The following STK32C variants were observed in gnomAD, a reference collection of about 807,000 sequenced individuals.
STK32C encodes serine/threonine kinase 32C.
A neutral mutation model predicts 56.5 loss-of-function variants in STK32C; 31 were observed. That is an observed-to-expected ratio of 0.55 (90% CI 0.41 to 0.74). STK32C has a LOEUF of 0.74. Ranked by LOEUF, STK32C falls within the 30% of genes least tolerant of loss-of-function variation. The pLI is 0.00. For synonymous variants in STK32C, 309 were observed against 289.4 expected (o/e 1.07, Z -0.69); for missense variants, 544 against 676.9 (o/e 0.80, Z 2.18).
At chr10:132,286,280 A>G (rs1444064013) in intron 1 of STK32C, among the ~76,000 whole-genome samples, 2 of 152,260 alleles carry the variant, frequency 1.3e-5, no homozygotes, top group African/African-American at 2.4e-5. Flanking sequence ...AAAGAAATTG[A>G]GCTCATTATT....
At chr10:132,242,996 C>A (rs550882770) in intron 2 of STK32C, among the ~76,000 whole-genome samples, 1 of 152,348 alleles carries the variant, frequency 6.6e-6, no homozygotes, top group South Asian at 2.1e-4. Context: ...ACCTTACAGG[C>A]CAGAGGGGCC....
chr10:132,245,807 AT>A, intron 2 of STK32C, 92 bp downstream of exon 2: 1 of 1,275,524 alleles, frequency 7.8e-7, no homozygotes, highest in Non-Finnish European at 1.1e-6. Context: ...CCCAAGGAGG[AT>A]GGGAGTAGGT....
intron 1 of STK32C, among the ~76,000 whole-genome samples, chr10:132,285,371 C>A (rs550262248): frequency 2.0e-5 from 3 of 152,214 alleles, no homozygotes; most frequent in Non-Finnish European, 4.4e-5. Context: ...TCAAGGAAAA[C>A]CATATCAATA....
In STK32C at chr10:132,268,539, TTGTGTGTG is replaced by T. The variant is rs56672946; in HGVS notation, c.263-22592_263-22585del. 1.5e-4 allele frequency among the ~76,000 whole-genome samples: 17 copies of T among 111,496 alleles called. No individual in the cohort carries two copies. The East Asian group carries it at 3.4e-3, about 22-fold the overall frequency. 73.1% of individuals were successfully genotyped at this position (111,496 alleles called of 152,430 possible). On this transcript the variant is annotated intron_variant, in intron 1 of 11. Coordinates refer to ENST00000298630, the MANE Select transcript of STK32C (RefSeq NM_173575.4). ...GCTGTGCCTGTGTGCATGCGTCACA[TTGTGTGTG>T]TGTGTGTGTGTGTGCCTGCGTGTGT...
rs147635328 is a variant in STK32C at position 132,303,820 on chromosome 10, G to A, written c.262+3752C>T. Among the ~76,000 whole-genome samples, 62 of 152,302 alleles carry A rather than the reference G, an allele frequency of 4.1e-4. 1 individual carries two copies. Among genetic ancestry groups the A allele is most frequent in the African/African-American group, 1.3e-3 (53 of 41,576 alleles). On this transcript the variant is annotated intron_variant, in intron 1 of 11. Transcript: ENST00000298630. ...GGGGAAAAGGCGATCAAACCCTCCC[G>A]CTCCTGGAGCAAGTGAAAATGGGTT...
chr10:132,282,412 G>A (rs2065240849), intron 1 of STK32C, among the ~76,000 whole-genome samples: 1 of 152,120 alleles, frequency 6.6e-6, no homozygotes, highest in African/African-American at 2.4e-5. Flanking sequence ...CCAGGCGTCA[G>A]CTACCCACCT....
chr10:132,243,719 C>T (rs1565101206), intron 2 of STK32C, among the ~76,000 whole-genome samples: 1 of 152,224 alleles, frequency 6.6e-6, no homozygotes, highest in Non-Finnish European at 1.5e-5. Context: ...CCGAGAGCGG[C>T]GGCCCCGAGG....
At chr10:132,277,671 C>T (rs535386330) in intron 1 of STK32C, among the ~76,000 whole-genome samples, 17 of 152,344 alleles carry the variant, frequency 1.1e-4, no homozygotes, top group African/African-American at 3.4e-4. Context: ...CCCAGGCCTG[C>T]AGGGGACTTT....
chr10:132,221,956 C>T (rs2062682745), intron 10 of STK32C, among the ~76,000 whole-genome samples: 1 of 149,352 alleles, frequency 6.7e-6, no homozygotes, highest in Non-Finnish European at 1.5e-5. Context: ...CACCGACACA[C>T]CTGGGCTAGT....
intron 1 of STK32C, among the ~76,000 whole-genome samples, chr10:132,260,888 G>A (rs1440754717): frequency 6.6e-6 from 1 of 152,222 alleles, no homozygotes; most frequent in Non-Finnish European, 1.5e-5. Context: ...CAGGCTGCGA[G>A]GTCAGCGCTG....
chr10:132,242,464 A>C (rs1565099835), intron 2 of STK32C, among the ~76,000 whole-genome samples: 2 of 152,106 alleles, frequency 1.3e-5, no homozygotes, highest in African/African-American at 2.4e-5. Flanking sequence ...CATCTGCCTA[A>C]AGACAGACAC....
chr10:132,318,352 A>C (rs2066346426), intron 1 of STK32C, among the ~76,000 whole-genome samples: 1 of 152,108 alleles, frequency 6.6e-6, no homozygotes. Context: ...ACGGTGGCTC[A>C]CGCTTGTAAT....
At chr10:132,324,120 CA>C (rs1202704106) in exon 2 of STK32C, 1 of 653,824 alleles carries the variant, frequency 1.5e-6, no homozygotes, top group Non-Finnish European at 2.8e-6. Flanking sequence ...GGACCCACTC[CA>C]ATCACAGCAG....
chr10:132,246,806 C>T (rs1342495932), intron 1 of STK32C, among the ~76,000 whole-genome samples: 3 of 152,148 alleles, frequency 2.0e-5, no homozygotes, highest in African/African-American at 4.8e-5. Context: ...GCCTCCAGGA[C>T]GAGCCCCTCC....
chr10:132,306,439 G>A (rs2066064261), intron 1 of STK32C, among the ~76,000 whole-genome samples: 1 of 152,258 alleles, frequency 6.6e-6, no homozygotes. Context: ...GAGCGTGTGG[G>A]GCCTGGTGTG....
downstream of STK32C, among the ~76,000 whole-genome samples, chr10:132,323,616 G>T (rs2066448510): frequency 3.3e-5 from 5 of 152,220 alleles, no homozygotes; most frequent in Admixed American, 2.6e-4. The surrounding 1 kb of genome is among the most constrained non-coding windows in gnomAD (Gnocchi z 4.8). Flanking sequence ...AAGAATTTAA[G>T]ATAGAAGGTG....
intron 10 of STK32C, among the ~76,000 whole-genome samples, chr10:132,214,940 A>AG (rs1281049477): frequency 1.3e-5 from 2 of 152,274 alleles, no homozygotes; most frequent in Non-Finnish European, 2.9e-5. Flanking sequence ...CAGAAAAGGC[A>AG]GAAAAATAGG....
intron 1 of STK32C, among the ~76,000 whole-genome samples, chr10:132,295,071 C>T (rs1190140051): frequency 6.6e-6 from 1 of 152,070 alleles, no homozygotes; most frequent in Non-Finnish European, 1.5e-5. Flanking sequence ...GGAGGCCTGT[C>T]AATTCACACG....
Position 132,291,990 on chromosome 10 carries a change from T to C in STK32C, c.262+15582A>G, listed in dbSNP as rs544836561. On this transcript the variant is annotated intron_variant, in intron 1 of 11. Coordinates refer to ENST00000298630, the MANE Select transcript of STK32C (RefSeq NM_173575.4). ...GTGAGGTCCACATACGGCCCAGCCTTCACTTCCCACCGTTGCACTGACCTC... is the reference window on the plus strand; with the variant it reads ...GTGAGGTCCACATACGGCCCAGCCTCCACTTCCCACCGTTGCACTGACCTC... Among the ~76,000 whole-genome samples, 30 of 152,168 alleles carry C rather than the reference T, an allele frequency of 2.0e-4. No individual in the cohort carries two copies. In the South Asian group the frequency reaches 6.2e-3, roughly 32 times the overall value.
Sources: gnomAD v4.1 joint callset for allele counts (sites outside exome capture counted in the v4.1 genomes callset) on GRCh38, gnomAD v4.1.1 for gene constraint, Gnocchi (gnomAD v3.1) non-coding constraint, MANE v1.5 for transcripts, NCBI Gene and HGNC (gene_info 2026-07-23, HGNC 2026-07-21) for gene names.